Variants in MGAT4C observed in about 807,000 individuals in gnomAD.
MGAT4C encodes the protein MGAT4 family member C.
MGAT4C carries 19 observed loss-of-function variants against 40.1 expected under a neutral mutation model. That is an observed-to-expected ratio of 0.47 (90% CI 0.33 to 0.70). MGAT4C has a LOEUF of 0.70. Ranked by LOEUF, MGAT4C falls within the 30% of genes least tolerant of loss-of-function variation. MGAT4C has a pLI of 0.02. For missense variants in MGAT4C, 491 were observed against 563.2 expected (o/e 0.87, Z 1.30); for synonymous variants, 181 against 187.1 (o/e 0.97, Z 0.27).
At chr12:86,142,145 C>T (rs911335351) in intron 1 of MGAT4C, among the ~76,000 whole-genome samples, 6 of 152,316 alleles carry the variant, frequency 3.9e-5, no homozygotes, top group African/African-American at 1.4e-4. Flanking sequence ...CTCTTGAAAA[C>T]TGAGCATTGA....
chr12:86,318,331 A>T (rs1954296204), intron 4 of MGAT4C, among the ~76,000 whole-genome samples: 1 of 152,254 alleles, frequency 6.6e-6, no homozygotes, highest in Non-Finnish European at 1.5e-5. Context: ...AAACATTAAT[A>T]CTAAGCAGTA....
intron 2 of MGAT4C, among the ~76,000 whole-genome samples, chr12:86,542,977 C>T (rs1161509086): frequency 1.3e-5 from 2 of 152,184 alleles, no homozygotes; most frequent in East Asian, 3.9e-4. Context: ...CTCCATAATT[C>T]TAATCATTAA....
At chr12:86,671,602 GA>G (rs1964258525) in intron 2 of MGAT4C, among the ~76,000 whole-genome samples, 1 of 152,086 alleles carries the variant, frequency 6.6e-6, no homozygotes, top group Non-Finnish European at 1.5e-5. Context: ...ACAATGGGAT[GA>G]AAAAAGGTAG....
At chr12:86,799,685 C>A (rs906435081) in intron 1 of MGAT4C, among the ~76,000 whole-genome samples, 2 of 151,792 alleles carry the variant, frequency 1.3e-5, no homozygotes, top group African/African-American at 2.4e-5. Context: ...AATGTAGATA[C>A]GTGATTGTTA....
chr12:86,434,362 T>C (rs1957099132), intron 3 of MGAT4C, among the ~76,000 whole-genome samples: 1 of 151,946 alleles, frequency 6.6e-6, no homozygotes, highest in Admixed American at 6.6e-5. Context: ...AATATGTAAA[T>C]GTGTAATTAT....
chr12:86,197,062 A>T (rs150020127), intron 1 of MGAT4C, among the ~76,000 whole-genome samples: 3 of 152,338 alleles, frequency 2.0e-5, no homozygotes, highest in East Asian at 3.9e-4. Flanking sequence ...GTGCTTCTAC[A>T]TCTCTTCTGC....
chr12:86,614,681 A>G (rs1962392981), intron 2 of MGAT4C, among the ~76,000 whole-genome samples: 1 of 151,878 alleles, frequency 6.6e-6, no homozygotes, highest in Non-Finnish European at 1.5e-5. Context: ...TATGAAGTTA[A>G]TTAGGAAAAG....
At chr12:86,182,695 A>G (rs1002299720) in intron 1 of MGAT4C, among the ~76,000 whole-genome samples, 1 of 152,102 alleles carries the variant, frequency 6.6e-6, no homozygotes, top group East Asian at 1.9e-4. Context: ...TGTTGACAAA[A>G]GTCAATGATA....
At chr12:86,449,259 G>C (rs983066600) in intron 2 of MGAT4C, among the ~76,000 whole-genome samples, 2 of 152,016 alleles carry the variant, frequency 1.3e-5, no homozygotes, top group Non-Finnish European at 2.9e-5. Flanking sequence ...AAAGCATAGT[G>C]AGCTTTCAGG....
At chr12:85,992,378 C>T (rs900910978) in intron 2 of MGAT4C, among the ~76,000 whole-genome samples, 2 of 152,156 alleles carry the variant, frequency 1.3e-5, no homozygotes, top group Admixed American at 6.5e-5. Flanking sequence ...GGTATCTGGC[C>T]AAGGCTACAC....
chr12:86,424,226 C>T (rs1359926797), intron 3 of MGAT4C, among the ~76,000 whole-genome samples: 1 of 152,182 alleles, frequency 6.6e-6, no homozygotes, highest in Non-Finnish European at 1.5e-5. Flanking sequence ...CTTTAAACCT[C>T]CATTTCATCA....
chr12:86,376,780 G>GAGAGAGAGAC (rs1203575139), intron 3 of MGAT4C, among the ~76,000 whole-genome samples: 12 of 149,804 alleles, frequency 8.0e-5, no homozygotes, highest in Non-Finnish European at 1.8e-4. Flanking sequence ...GCAAGAAAGA[G>GAGAGAGAGAC]AGAGAGAGAC....
chr12:86,528,428 T>C (rs1419669355), intron 2 of MGAT4C, among the ~76,000 whole-genome samples: 3 of 152,052 alleles, frequency 2.0e-5, no homozygotes, highest in African/African-American at 4.8e-5. Flanking sequence ...AAAACAAAAA[T>C]ATTCAATAGA....
chr12:86,655,049 T>A (rs1285551625), intron 2 of MGAT4C, among the ~76,000 whole-genome samples: 4 of 152,062 alleles, frequency 2.6e-5, no homozygotes, highest in African/African-American at 9.7e-5. Context: ...AGTTCTTTTT[T>A]TTTATACTTT....
chr12:86,199,277 C>T (rs903188888), intron 1 of MGAT4C, among the ~76,000 whole-genome samples: 1 of 151,970 alleles, frequency 6.6e-6, no homozygotes, highest in Non-Finnish European at 1.5e-5. Flanking sequence ...AGTATGAAGG[C>T]TTATGGCAGA....
intron 1 of MGAT4C, among the ~76,000 whole-genome samples, chr12:86,800,565 T>C (rs1312741224): frequency 6.6e-6 from 1 of 151,840 alleles, no homozygotes; most frequent in Non-Finnish European, 1.5e-5. Context: ...AGATGAATTG[T>C]TGGAGTTAGG....
At chr12:86,537,709 T>G (rs754446099) in intron 2 of MGAT4C, among the ~76,000 whole-genome samples, 1 of 152,198 alleles carries the variant, frequency 6.6e-6, no homozygotes, top group Non-Finnish European at 1.5e-5. Context: ...GAATAAATAC[T>G]ATTTTATTCT....
intron 2 of MGAT4C, among the ~76,000 whole-genome samples, chr12:86,437,468 G>A (rs1476814173): frequency 6.6e-6 from 1 of 151,600 alleles, no homozygotes; most frequent in African/African-American, 2.4e-5. Context: ...AAATGAGGAA[G>A]GCAAAATAAA....
intron 3 of MGAT4C, chr12:86,435,129 T>C (rs939330896): frequency 6.6e-6 from 1 of 151,938 alleles, no homozygotes; most frequent in Non-Finnish European, 1.5e-5. Context: ...ACTCTCACCA[T>C]AGCAAAGAAA....
Sources: allele counts gnomAD v4.1 joint callset (sites outside exome capture counted in the v4.1 genomes callset), GRCh38; gene constraint gnomAD v4.1.1; transcripts MANE v1.5; gene names NCBI Gene and HGNC (gene_info 2026-07-23, HGNC 2026-07-21).